The following FIGLA variants were observed in gnomAD, a reference collection of about 807,000 sequenced individuals.
The protein encoded by FIGLA is factor in the germline alpha.
FIGLA carries 17 observed loss-of-function variants against 21.5 expected under a neutral mutation model. The observed-to-expected ratio is 0.79, with a 90% CI of 0.54 to 1.19. The LOEUF is 1.19. FIGLA is among the 50% of genes most tolerant of loss of function. The pLI, the probability that FIGLA is intolerant of heterozygous loss-of-function variation, is 0.00. For synonymous variants in FIGLA, 129 were observed against 117.6 expected (o/e 1.10, Z -0.63); for missense variants, 282 against 285.0 (o/e 0.99, Z 0.08).
chr2:70,785,995 C>T (rs1553389949), intron 2 of FIGLA, among the ~76,000 whole-genome samples: 5 of 152,222 alleles, frequency 3.3e-5, no homozygotes, highest in Non-Finnish European at 1.5e-5. Context: ...TCCAGTTTGA[C>T]CAACAGGACA....
At chr2:70,779,804 T>G (rs555140115) in intron 3 of FIGLA, among the ~76,000 whole-genome samples, 3 of 152,112 alleles carry the variant, frequency 2.0e-5, no homozygotes, top group Non-Finnish European at 2.9e-5. Context: ...AGAGACATGG[T>G]CTCTACAGTG....
At chr2:70,787,389 T>C (rs1675975955) in intron 2 of FIGLA, among the ~76,000 whole-genome samples, 1 of 152,184 alleles carries the variant, frequency 6.6e-6, no homozygotes, top group South Asian at 2.1e-4. Flanking sequence ...ATAGTGACCA[T>C]AGGCAAGTAT....
At chr2:70,789,323 C>A (rs1330696353) in intron 1 of FIGLA, among the ~76,000 whole-genome samples, 2 of 152,086 alleles carry the variant, frequency 1.3e-5, no homozygotes, top group African/African-American at 4.8e-5. Flanking sequence ...AAAGCTTATT[C>A]GTGTTTTAGT....
At chr2:70,778,400 T>C (rs1224304152) in intron 3 of FIGLA, among the ~76,000 whole-genome samples, 2 of 152,202 alleles carry the variant, frequency 1.3e-5, no homozygotes, top group African/African-American at 2.4e-5. Flanking sequence ...GCTTTTTTTT[T>C]CTAATCTTGA....
intron 4 of FIGLA, 75 bp downstream of exon 4, chr2:70,777,562 T>C: frequency 6.4e-7 from 1 of 1,557,028 alleles, no homozygotes; most frequent in South Asian, 1.2e-5. Flanking sequence ...AAGAATGTGA[T>C]GGAATTAGCA....
chr2:70,788,331 A>T (rs1675993966), intron 1 of FIGLA, among the ~76,000 whole-genome samples: 1 of 107,284 alleles, frequency 9.3e-6, no homozygotes, highest in South Asian at 3.0e-4. Flanking sequence ...GATGAATCAA[A>T]TGTACAAATA....
chr2:70,784,455 T>C (rs1675910100), intron 3 of FIGLA, among the ~76,000 whole-genome samples: 2 of 152,230 alleles, frequency 1.3e-5, no homozygotes, highest in South Asian at 2.1e-4. Flanking sequence ...AGTTATCTTA[T>C]ATACAAGGTA....
At chr2:70,785,282 C>T in intron 3 of FIGLA, 133 bp downstream of exon 3, 5 of 794,390 alleles carry the variant, frequency 6.3e-6, no homozygotes, top group Non-Finnish European at 1.0e-5. Flanking sequence ...GTAAACCCCA[C>T]TGCCCCACCC....
In FIGLA at chr2:70,777,656, C is replaced by T. The variant is rs186548772; in HGVS notation, c.625G>A (p.Val209Ile). Residue 209 changes from valine (V) to isoleucine (I), a missense_variant, in exon 4 of 5, where the codon GTA becomes ATA. Physicochemically the swap from Val to Ile is conservative, Grantham distance 29. Coordinates refer to ENST00000332372, the MANE Select transcript of FIGLA (RefSeq NM_001004311.3). ...PTRSLDRFPE[V>I]ELLSHRLPQV is the part of the protein sequence containing the mutation. ...ACCTACCTGTGACTCAGCAGTTCTA[C>T]TTCTGGGAATCTATCCTGCAAAAAC... 174 of 1,548,452 alleles carry T rather than the reference C, an allele frequency of 1.1e-4. No homozygotes were observed. In the East Asian group the frequency reaches 3.2e-3, roughly 29 times the overall value.
chr2:70,785,749 G>A, intron 2 of FIGLA, 110 bp from the exon 3 acceptor site: 1 of 798,542 alleles, frequency 1.3e-6, no homozygotes. Flanking sequence ...TAAATGATAA[G>A]GGCAATGCTT....
intron 3 of FIGLA, among the ~76,000 whole-genome samples, chr2:70,784,022 C>T (rs782738146): frequency 1.3e-5 from 2 of 152,102 alleles, no homozygotes; most frequent in East Asian, 1.9e-4. Context: ...TTTAGTCATT[C>T]CATGTCAGCT....
chr2:70,778,311 C>G (rs928444582), intron 3 of FIGLA, among the ~76,000 whole-genome samples: 6 of 152,202 alleles, frequency 3.9e-5, no homozygotes, highest in Non-Finnish European at 8.8e-5. Flanking sequence ...TTGTATAGCA[C>G]AGGGTGGTTG....
chr2:70,784,215 T>C (rs1675905834), intron 3 of FIGLA, among the ~76,000 whole-genome samples: 1 of 147,296 alleles, frequency 6.8e-6, no homozygotes, highest in Non-Finnish European at 1.5e-5. Context: ...ACCCCTGCCC[T>C]GCCCCCACCA....
chr2:70,778,256 A>G (rs1393255553), intron 3 of FIGLA, among the ~76,000 whole-genome samples: 1 of 152,226 alleles, frequency 6.6e-6, no homozygotes, highest in Non-Finnish European at 1.5e-5. Flanking sequence ...TGGGCAAGTT[A>G]CTTCTGTTCC....
chr2:70,778,111 A>C (rs1191713887), intron 3 of FIGLA, among the ~76,000 whole-genome samples: 1 of 152,230 alleles, frequency 6.6e-6, no homozygotes, highest in African/African-American at 2.4e-5. Context: ...TTAGCCTTAA[A>C]CATTTATCTA....
At chr2:70,783,206 T>A (rs982746377) in intron 3 of FIGLA, among the ~76,000 whole-genome samples, 6 of 152,188 alleles carry the variant, frequency 3.9e-5, no homozygotes, top group African/African-American at 1.4e-4. Flanking sequence ...ATGCACTGTC[T>A]ATAAAAATCT....
intron 3 of FIGLA, among the ~76,000 whole-genome samples, chr2:70,784,483 C>G: frequency 6.6e-6 from 1 of 152,148 alleles, no homozygotes; most frequent in East Asian, 1.9e-4. Flanking sequence ...TTATTATACC[C>G]ATTGCTCAGA....
chr2:70,780,342 G>A (rs1281343830), intron 3 of FIGLA, among the ~76,000 whole-genome samples: 2 of 152,154 alleles, frequency 1.3e-5, no homozygotes, highest in East Asian at 1.9e-4. Flanking sequence ...AGCTGGAGAG[G>A]GCCTGCCTCC....
At position 70,785,326 on chromosome 2, in the gene FIGLA, T is replaced by C. The variant is rs116097521; in HGVS notation, c.609+89A>G. ...TCATTAAATTATCTTGTTTTAATCATGTTTTAGCATGGAAAAATGACTCAT... is the reference window on the plus strand; with the variant it reads ...TCATTAAATTATCTTGTTTTAATCACGTTTTAGCATGGAAAAATGACTCAT... On this transcript the variant is annotated intron_variant, in intron 3 of 4. Coordinates refer to ENST00000332372, the MANE Select transcript of FIGLA (RefSeq NM_001004311.3). The C allele has an allele frequency of 2.2e-3, 2,410 of 1,089,216 alleles. 44 individuals are homozygous for C. The African/African-American group carries it at 0.035, about 16-fold the overall frequency. The allele number at this position is 1,089,216 out of a possible 1,614,324, so 67.5% of individuals were successfully genotyped here.
Sources: gnomAD v4.1 joint callset for allele counts (sites outside exome capture counted in the v4.1 genomes callset) on GRCh38, gnomAD v4.1.1 for gene constraint, MANE v1.5 for transcripts, NCBI Gene and HGNC (gene_info 2026-07-23, HGNC 2026-07-21) for gene names.